The following SRFBP1 variants were observed in gnomAD, a reference collection of about 807,000 sequenced individuals.
The protein encoded by SRFBP1 is serum response factor binding protein 1.
SRFBP1 carries 47 observed loss-of-function variants against 45.5 expected under a neutral mutation model. The observed-to-expected ratio is 1.03, with a 90% CI of 0.82 to 1.32. SRFBP1 has a LOEUF of 1.32. Among genes scored for constraint, SRFBP1 ranks in the 40% most tolerant of loss-of-function variants. The pLI, the probability that SRFBP1 is intolerant of heterozygous loss-of-function variation, is 0.00. For synonymous variants in SRFBP1, 203 were observed against 166.3 expected, an observed-to-expected ratio of 1.22 and a Z score of -1.70; for missense variants, 621 against 484.6, an observed-to-expected ratio of 1.28 and a Z score of -2.64.
At position 121,975,386 on chromosome 5, in the gene SRFBP1, A is replaced by C. The variant is rs775866182; in HGVS notation, c.197A>C (p.Lys66Thr). The C allele has an allele frequency of 6.2e-7, 1 of 1,613,198 alleles. No homozygotes were observed. The highest frequency in any genetic ancestry group is 1.7e-5 in the Admixed American group (1 of 59,964). The change falls in exon 3 of 8, where the codon AAG (lysine) becomes ACG (threonine). Residue 66 changes from lysine to threonine, a missense_variant and splice_region_variant. Coordinates refer to ENST00000339397, the MANE Select transcript of SRFBP1 (RefSeq NM_152546.3). Reference sequence around the variant, plus strand: ...TTGCTTGAAGAAATCCATGCCATGAAGGTAAGGACTTGTGTGGGTGTGTAT... The same window carrying C: ...TTGCTTGAAGAAATCCATGCCATGACGGTAAGGACTTGTGTGGGTGTGTAT... ...QRLLEEIHAM[K>T]ELKPDIVTKS...
chr5:121,962,029 T>G lies in SRFBP1; in HGVS notation c.-4T>G. On this transcript the variant is annotated 5_prime_UTR_variant, in exon 1 of 8. Transcript: ENST00000339397. ...CAGCGGCGGATCATATTCCTTCATC[T>G]ACCATGGCTCAGCCGGGAACTCTGA... 6.2e-7 allele frequency: 1 copy of G among 1,614,064 alleles called. No individual in the cohort carries two copies. The highest frequency in any genetic ancestry group is 8.5e-7 in the Non-Finnish European group (1 of 1,180,014).
downstream of SRFBP1, among the ~76,000 whole-genome samples, chr5:122,029,366 C>T (rs192244370): frequency 3.9e-3 from 598 of 152,266 alleles, 1 homozygote; most frequent in Middle Eastern, 0.027. Context: ...AGAACACAAA[C>T]TATACCTGGG....
intron 2 of SRFBP1, among the ~76,000 whole-genome samples, chr5:122,073,062 G>GA (rs1406892843): frequency 2.0e-5 from 3 of 152,096 alleles, no homozygotes; most frequent in African/African-American, 7.2e-5. Flanking sequence ...TAAGCTCAGA[G>GA]AAAAAAGCAA....
chr5:121,979,225 T>C (rs370697587), intron 3 of SRFBP1, among the ~76,000 whole-genome samples: 18 of 152,226 alleles, frequency 1.2e-4, no homozygotes, highest in Admixed American at 3.3e-4. Flanking sequence ...TTAGAGGACA[T>C]ACTCAGAAGT....
chr5:121,978,425 A>T (rs1464727218), intron 3 of SRFBP1, among the ~76,000 whole-genome samples: 2 of 152,186 alleles, frequency 1.3e-5, no homozygotes, highest in African/African-American at 4.8e-5. Context: ...AGACTGAAAG[A>T]TGTGCAACGT....
chr5:122,075,242 G>T, intron 2 of SRFBP1: 1 of 584,806 alleles, frequency 1.7e-6, no homozygotes, highest in South Asian at 3.1e-5. Flanking sequence ...ACAGGATCTT[G>T]TAGTAGATGG....
intron 4 of SRFBP1, among the ~76,000 whole-genome samples, chr5:122,014,574 A>T (rs1453178773): frequency 6.6e-6 from 1 of 152,186 alleles, no homozygotes; most frequent in Non-Finnish European, 1.5e-5. Flanking sequence ...AAAAAAATTA[A>T]AAAAATCTTC....
chr5:121,966,946 A>ATT (rs34687337), intron 1 of SRFBP1, among the ~76,000 whole-genome samples: 72,279 of 114,340 alleles, frequency 0.63, 24,546 homozygotes, highest in East Asian at 0.85. Flanking sequence ...CGCCCAGCTA[A>ATT]TTTTTTTTTT....
At chr5:121,985,504 C>G (rs1752494440) in intron 3 of SRFBP1, among the ~76,000 whole-genome samples, 1 of 151,190 alleles carries the variant, frequency 6.6e-6, no homozygotes, top group Admixed American at 6.6e-5. Flanking sequence ...TTTTTTTAAT[C>G]TAGGTAATAG....
intron 2 of SRFBP1, among the ~76,000 whole-genome samples, chr5:122,034,066 C>T (rs1339227497): frequency 6.6e-6 from 1 of 151,688 alleles, no homozygotes. Flanking sequence ...TCAGGTGATC[C>T]ACCCGCCTCA....
intron 4 of SRFBP1, among the ~76,000 whole-genome samples, chr5:122,001,595 C>T (rs1381403925): frequency 7.1e-6 from 1 of 140,652 alleles, no homozygotes; most frequent in Non-Finnish European, 1.5e-5. Context: ...CGCTCTGTCG[C>T]CCAGGCCGGA....
Position 121,979,290 on chromosome 5 carries a change from A to G in SRFBP1, c.198+3903A>G, listed in dbSNP as rs184086986. ...GAGGTTTATCATTGTATGTATTCATATACTGTTTAGAATTTTGTGATATTT... is the reference window on the plus strand; with the variant it reads ...GAGGTTTATCATTGTATGTATTCATGTACTGTTTAGAATTTTGTGATATTT... On this transcript the variant is annotated intron_variant, in intron 3 of 7. Coordinates refer to ENST00000339397, the MANE Select transcript of SRFBP1 (RefSeq NM_152546.3). Among the ~76,000 whole-genome samples the G allele has an allele frequency of 2.3e-4, 35 of 152,266 alleles. No individual in the cohort carries two copies. The East Asian group carries it at 2.7e-3, about 12-fold the overall frequency.
At chr5:121,994,496 A>G in intron 3 of SRFBP1, 103 bp from the exon 4 acceptor site, 1 of 706,870 alleles carries the variant, frequency 1.4e-6, no homozygotes, top group Non-Finnish European at 2.4e-6. Context: ...CTCAAAATTA[A>G]GATGTTATTT....
At chr5:122,044,279 C>A (rs951471412) in intron 2 of SRFBP1, among the ~76,000 whole-genome samples, 5 of 152,152 alleles carry the variant, frequency 3.3e-5, no homozygotes, top group Admixed American at 3.3e-4. Context: ...GATTCTATGT[C>A]TTTGCTATTG....
chr5:122,047,429 A>G (rs1452022162), intron 2 of SRFBP1, among the ~76,000 whole-genome samples: 2 of 152,154 alleles, frequency 1.3e-5, no homozygotes, highest in Non-Finnish European at 2.9e-5. Flanking sequence ...TACCAGTACC[A>G]TGCTGTTTTG....
chr5:122,078,504 C>T (rs1754708442), downstream of SRFBP1: 1 of 152,644 alleles, frequency 6.6e-6, no homozygotes, highest in African/African-American at 2.4e-5. Flanking sequence ...GACACACTGG[C>T]TTAATCTGGG....
chr5:121,966,783 T>A (rs962825335), intron 1 of SRFBP1, among the ~76,000 whole-genome samples: 8 of 151,468 alleles, frequency 5.3e-5, no homozygotes, highest in East Asian at 3.9e-4. Flanking sequence ...TTTTTTATTT[T>A]TTATTTTTTT....
chr5:122,031,229 G>T (rs951178705), downstream of SRFBP1, among the ~76,000 whole-genome samples: 1 of 152,182 alleles, frequency 6.6e-6, no homozygotes, highest in Admixed American at 6.5e-5. Context: ...ATATAGTTCA[G>T]AAAGGTCAGT....
At chr5:122,073,486 C>T (rs1275380438) in intron 2 of SRFBP1, among the ~76,000 whole-genome samples, 1 of 152,188 alleles carries the variant, frequency 6.6e-6, no homozygotes, top group Non-Finnish European at 1.5e-5. Context: ...TTGCTAACCG[C>T]AACCACTATT....
Sources: gnomAD v4.1 joint callset for allele counts (sites outside exome capture counted in the v4.1 genomes callset) on GRCh38, gnomAD v4.1.1 for gene constraint, MANE v1.5 for transcripts, NCBI Gene and HGNC (gene_info 2026-07-23, HGNC 2026-07-21) for gene names.